The following PALM2AKAP2 variants were observed in gnomAD, a reference collection of about 807,000 sequenced individuals.
The protein encoded by PALM2AKAP2 is PALM2-AKAP2 fusion protein.
A neutral mutation model predicts 71.5 loss-of-function variants in PALM2AKAP2; 37 were observed. That is an observed-to-expected ratio of 0.52 (90% CI 0.40 to 0.68). The LOEUF (loss-of-function observed/expected upper bound fraction) is 0.68. Ranked by LOEUF, PALM2AKAP2 falls within the 30% of genes least tolerant of loss-of-function variation. The pLI, the probability that PALM2AKAP2 is intolerant of heterozygous loss-of-function variation, is 0.00. For synonymous variants in PALM2AKAP2, 468 were observed against 478.8 expected (o/e 0.98, Z 0.29); for missense variants, 1,224 against 1,191.8 (o/e 1.03, Z -0.40).
At chr9:109,986,210 T>C (rs1832375912) in intron 6 of PALM2AKAP2, among the ~76,000 whole-genome samples, 1 of 152,108 alleles carries the variant, frequency 6.6e-6, no homozygotes, top group African/African-American at 2.4e-5. Context: ...CGTGAAAGTT[T>C]AGGGGGTAAA....
intron 1 of PALM2AKAP2, among the ~76,000 whole-genome samples, chr9:110,093,293 G>A (rs982870335): frequency 1.3e-5 from 2 of 152,152 alleles, no homozygotes; most frequent in African/African-American, 2.4e-5. Flanking sequence ...GATGTGAGAT[G>A]TAATATTTTG....
At chr9:110,090,667 T>C (rs905490348) in intron 1 of PALM2AKAP2, among the ~76,000 whole-genome samples, 1 of 152,206 alleles carries the variant, frequency 6.6e-6, no homozygotes, top group Non-Finnish European at 1.5e-5. Context: ...AGAATAACTC[T>C]AGGTCTATAA....
intron 1 of PALM2AKAP2, among the ~76,000 whole-genome samples, chr9:109,824,463 C>A (rs927217334): frequency 6.6e-6 from 1 of 152,198 alleles, no homozygotes; most frequent in Non-Finnish European, 1.5e-5. Flanking sequence ...GTCATTTCTT[C>A]TTTCCAAAGT....
chr9:109,737,447 ACT>A (rs1439784100), intron 1 of PALM2AKAP2, among the ~76,000 whole-genome samples: 1 of 152,212 alleles, frequency 6.6e-6, no homozygotes, highest in Non-Finnish European at 1.5e-5. Context: ...AGTGTCACTC[ACT>A]CTGCTGAGTG....
At chr9:109,943,322 C>T in intron 6 of PALM2AKAP2, 1 of 1,614,222 alleles carries the variant, frequency 6.2e-7, no homozygotes, top group Non-Finnish European at 8.5e-7. Context: ...GTCTCAGACA[C>T]CACAGAGCCC....
chr9:110,107,809 T>G (rs1835153920), intron 1 of PALM2AKAP2, among the ~76,000 whole-genome samples: 1 of 152,042 alleles, frequency 6.6e-6, no homozygotes, highest in African/African-American at 2.4e-5. Flanking sequence ...TCAGGCAATC[T>G]GCTTGCCTCG....
At chr9:109,647,460 A>G (rs1417289184) in intron 1 of PALM2AKAP2, among the ~76,000 whole-genome samples, 1 of 152,228 alleles carries the variant, frequency 6.6e-6, no homozygotes, top group Non-Finnish European at 1.5e-5. Context: ...ACAATTTTCT[A>G]GAAATGAAAT....
chr9:110,100,056 T>TATATATATATATA (rs1326323301), intron 1 of PALM2AKAP2, among the ~76,000 whole-genome samples: 2 of 116,856 alleles, frequency 1.7e-5, no homozygotes, highest in East Asian at 2.0e-4. Flanking sequence ...TGTGTCTATA[T>TATATATATATATA]ATATATATAT....
At chr9:109,701,633 T>C (rs1393926458) in intron 1 of PALM2AKAP2, among the ~76,000 whole-genome samples, 1 of 152,056 alleles carries the variant, frequency 6.6e-6, no homozygotes, top group East Asian at 1.9e-4. Flanking sequence ...CCTAAAACCA[T>C]AAAAATCCTA....
At chr9:109,691,891 T>TAC (rs1287170583) in intron 1 of PALM2AKAP2, among the ~76,000 whole-genome samples, 1 of 69,360 alleles carries the variant, frequency 1.4e-5, no homozygotes, top group Non-Finnish European at 2.9e-5. Context: ...CATATATATA[T>TAC]ATATATATAT....
chr9:109,665,381 C>T (rs776066952), intron 1 of PALM2AKAP2, among the ~76,000 whole-genome samples: 1 of 152,104 alleles, frequency 6.6e-6, no homozygotes, highest in Non-Finnish European at 1.5e-5. Flanking sequence ...GTGTAGATGA[C>T]CTTTTTGTTG....
At chr9:109,682,180 A>G (rs2146087) in intron 1 of PALM2AKAP2, among the ~76,000 whole-genome samples, 112,771 of 152,082 alleles carry the variant, frequency 0.74, 42,654 homozygotes, top group African/African-American at 0.89. Context: ...TGAGAAGTGC[A>G]TGGATTGATA....
intron 1 of PALM2AKAP2, among the ~76,000 whole-genome samples, chr9:110,081,619 C>G (rs1278131560): frequency 6.6e-6 from 1 of 152,106 alleles, no homozygotes; most frequent in Non-Finnish European, 1.5e-5. Context: ...TAGAGGTGAG[C>G]CAGTCGAGGC....
Position 110,048,823 on chromosome 9 carries a change from C to T in PALM2AKAP2, c.124C>T (p.Gln42Ter), listed in dbSNP as rs1306846103. 2 of 1,530,940 alleles carry T rather than the reference C, an allele frequency of 1.3e-6. No homozygotes were observed. The highest frequency in any genetic ancestry group is 2.5e-5 in the East Asian group (1 of 40,438). 94.8% of individuals were successfully genotyped at this position (1,530,940 alleles called of 1,614,324 possible). ...GCGGCGCTGGACTGGAGCAGAACCCCAGGACTGCGCCCCCGGGAGCGGGCG... is the reference window on the plus strand; with the variant it reads ...GCGGCGCTGGACTGGAGCAGAACCCTAGGACTGCGCCCCCGGGAGCGGGCG... Residue 42 changes from glutamine (Q) to a stop codon, truncating the protein, a stop_gained, in exon 1 of 4, where the codon CAG becomes TAG. Coordinates refer to ENST00000374525, the Ensembl canonical transcript of PALM2AKAP2. LOFTEE classifies it high-confidence loss of function.
chr9:109,780,296 G>C, upstream of PALM2AKAP2: 1 of 1,269,160 alleles, frequency 7.9e-7, no homozygotes, highest in Non-Finnish European at 9.9e-7. Context: ...GAGGGCGGGG[G>C]CCAGAGGCTG....
At chr9:110,144,614 A>G (rs1836117691) in intron 2 of PALM2AKAP2, among the ~76,000 whole-genome samples, 1 of 152,236 alleles carries the variant, frequency 6.6e-6, no homozygotes, top group Non-Finnish European at 1.5e-5. Flanking sequence ...AATACAATGA[A>G]CATACTATTA....
At chr9:109,999,657 G>T (rs2132270359) in intron 6 of PALM2AKAP2, among the ~76,000 whole-genome samples, 1 of 152,364 alleles carries the variant, frequency 6.6e-6, no homozygotes, top group East Asian at 1.9e-4. Flanking sequence ...CCCAGTTCCT[G>T]CCCACAGGTG....
At chr9:109,803,431 A>G (rs1427933912) in intron 1 of PALM2AKAP2, among the ~76,000 whole-genome samples, 1 of 152,188 alleles carries the variant, frequency 6.6e-6, no homozygotes. Flanking sequence ...AATTTGTCTC[A>G]TGGAGCCTCA....
intron 6 of PALM2AKAP2, among the ~76,000 whole-genome samples, chr9:109,995,567 G>C (rs934570097): frequency 6.6e-6 from 1 of 152,320 alleles, no homozygotes; most frequent in East Asian, 1.9e-4. Flanking sequence ...GAGGAGCAAA[G>C]TCACATCTTA....
Sources: allele counts gnomAD v4.1 joint callset (sites outside exome capture counted in the v4.1 genomes callset), GRCh38; gene constraint gnomAD v4.1.1; transcripts MANE v1.5; gene names NCBI Gene and HGNC (gene_info 2026-07-23, HGNC 2026-07-21).